SMARCA4: variants seen among roughly 807,000 people sequenced by gnomAD.
SMARCA4 encodes SWI/SNF related BAF chromatin remodeling complex subunit ATPase 4, also known as SWI/SNF-related matrix-associated actin-dependent regulator of chromatin subfamily A member 4.
In SMARCA4, 31 loss-of-function variants were observed where a neutral mutation model predicts 193.9. That is an observed-to-expected ratio of 0.16 (90% CI 0.12 to 0.22). SMARCA4 has a LOEUF of 0.22. Ranked by LOEUF, SMARCA4 falls within the 10% of genes least tolerant of loss-of-function variation. The probability of loss-of-function intolerance (pLI) is 1.00; values close to 1 mark genes in which losing one functional copy is unlikely to be tolerated. For synonymous variants in SMARCA4, 942 were observed against 933.1 expected (o/e 1.01, Z -0.17); for missense variants, 1,148 against 2,296.0 (o/e 0.50, Z 10.22).
At chr19:11,057,885 C>T (rs1461618366) in intron 30 of SMARCA4, among the ~76,000 whole-genome samples, 4 of 151,748 alleles carry the variant, frequency 2.6e-5, no homozygotes, top group Non-Finnish European at 5.9e-5. Context: ...GGCTGATCAC[C>T]TGAGGTCGGG....
At chr19:10,975,014 A>ATTTTT (rs2085012500) in intron 1 of SMARCA4, among the ~76,000 whole-genome samples, 1 of 106,266 alleles carries the variant, frequency 9.4e-6, no homozygotes, top group African/African-American at 3.7e-5. Context: ...ATATATAGTT[A>ATTTTT]TTCTTTTTTT....
Position 11,031,809 on chromosome 19 carries a change from T to C in SMARCA4, c.3546+916T>C, listed in dbSNP as rs1683292575. 1 of 152,186 alleles carries C rather than the reference T, an allele frequency of 6.6e-6. No individual in the cohort carries two copies. The highest frequency in any genetic ancestry group is 2.1e-4 in the South Asian group (1 of 4,816). 9.4% of individuals were successfully genotyped at this position (152,186 alleles called of 1,614,324 possible). A position where few individuals can be genotyped will look rare whatever the true frequency, so the allele number is the denominator to read the frequency against. ...AGAGTGCTTGTGCAAACACCCTAGG[T>C]CTGCGCAGCCCTCAGACATGGGGTC... is the stretch of plus-strand genomic sequence containing the variant. On this transcript the variant is annotated intron_variant, in intron 25 of 34. Coordinates refer to ENST00000344626, the MANE Select transcript of SMARCA4 (RefSeq NM_003072.5). The surrounding 1 kb of genome is among the most constrained non-coding windows in gnomAD (Gnocchi z 4.3).
At chr19:11,015,402 G>A (rs950172779) in intron 16 of SMARCA4, among the ~76,000 whole-genome samples, 9 of 152,148 alleles carry the variant, frequency 5.9e-5, no homozygotes, top group Middle Eastern at 6.8e-3. Context: ...AATCCTGATC[G>A]GACCTTTGGT....
chr19:10,974,683 ATATATATTTTTTTTTTTTTTTTTTTT>A lies in SMARCA4; in HGVS notation c.-31-9436_-31-9411del, dbSNP rs1419441338. Among the ~76,000 whole-genome samples the A allele has an allele frequency of 2.9e-3, 132 of 45,412 alleles. 2 individuals are homozygous for A. Among genetic ancestry groups the A allele is most frequent in the African/African-American group, 0.011 (126 of 11,006 alleles). The allele number at this position is 45,412 out of a possible 152,430, so 29.8% of individuals were successfully genotyped here. On this transcript the variant is annotated intron_variant, in intron 1 of 34. Coordinates refer to ENST00000344626, the MANE Select transcript of SMARCA4 (RefSeq NM_003072.5). ...TTAACATGCATATATATATATATAT[ATATATATTTTTTTTTTTTTTTTTTTT>A]TTTTTTTTTTTTTTTGAGACAGAGT... is the stretch of plus-strand genomic sequence containing the variant.
intron 16 of SMARCA4, among the ~76,000 whole-genome samples, chr19:11,013,843 C>T (rs547305172): frequency 7.3e-4 from 111 of 152,246 alleles, no homozygotes; most frequent in Non-Finnish European, 9.4e-4. Context: ...TGGTGGGATC[C>T]GGACACCCTG....
At chr19:10,974,926 G>C (rs112009846) in intron 1 of SMARCA4, among the ~76,000 whole-genome samples, 1 of 149,292 alleles carries the variant, frequency 6.7e-6, no homozygotes, top group Non-Finnish European at 1.5e-5. Context: ...GGCTGGTCTC[G>C]ATCTCAGGTG....
chr19:11,010,563 G>T (rs201710172), intron 15 of SMARCA4, 32 bp downstream of exon 15: 2 of 1,607,304 alleles, frequency 1.2e-6, no homozygotes. Flanking sequence ...CCACCGCCAC[G>T]TAGCTGCCTC....
Position 11,035,074 on chromosome 19 carries a change from C to T in SMARCA4, c.4112C>T (p.Ser1371Phe), listed in dbSNP as rs1555785467. The change falls in exon 29 of 35, where the codon TCC becomes TTC. Residue 1371 changes from serine to phenylalanine, a missense_variant. Around this residue, in one of 17 missense-constraint regions of SMARCA4, gnomAD observed 84 missense variants for 202.2 expected, o/e 0.42. Transcript: ENST00000344626. ...EEEEKMFGRG[S>F]RHRKEVDYSD... is the part of the protein sequence containing the mutation. ...GAGGAGAAGATGTTCGGCCGTGGCT[C>T]CCGCCACCGCAAGGAGGTGGACTAC... 2 of 1,612,974 alleles carry T rather than the reference C, an allele frequency of 1.2e-6. No homozygotes were observed. The highest frequency in any genetic ancestry group is 1.7e-6 in the Non-Finnish European group (2 of 1,179,898).
Position 10,985,270 on chromosome 19 carries a change from C to T in SMARCA4, c.223-3C>T, listed in dbSNP as rs1180071026. 1 of 1,613,914 alleles carries T rather than the reference C, an allele frequency of 6.2e-7. No homozygotes were observed. The highest frequency in any genetic ancestry group is 1.1e-5 in the South Asian group (1 of 91,070). ...CCCTGCCTTGCCATGGTCCCTCTCG[C>T]AGCCCATGGAGTCCATGCATGAGAA... On this transcript the variant is annotated splice_polypyrimidine_tract_variant and splice_region_variant and intron_variant, in intron 2 of 34. Coordinates refer to ENST00000344626, the MANE Select transcript of SMARCA4 (RefSeq NM_003072.5). The surrounding 1 kb of genome is among the most constrained non-coding windows in gnomAD (Gnocchi z 4.5).
chr19:11,061,188 T>TAAAA (rs140377414), intron 34 of SMARCA4, among the ~76,000 whole-genome samples: 14 of 68,814 alleles, frequency 2.0e-4, no homozygotes, highest in African/African-American at 1.1e-3. Flanking sequence ...ACCCTGTCTT[T>TAAAA]AAAAAAAAAA....
At chr19:11,017,894 C>T (rs959704672) in intron 16 of SMARCA4, among the ~76,000 whole-genome samples, 4 of 152,178 alleles carry the variant, frequency 2.6e-5, no homozygotes, top group Non-Finnish European at 4.4e-5. Flanking sequence ...CTGCCTCCCT[C>T]GCCTCATGCA....
At chr19:11,014,654 C>T (rs1004802809) in intron 16 of SMARCA4, among the ~76,000 whole-genome samples, 3 of 152,048 alleles carry the variant, frequency 2.0e-5, no homozygotes, top group Non-Finnish European at 4.4e-5. Flanking sequence ...CTGCAGTTCC[C>T]GATTTTCCCT....
rs548906832 is a variant in SMARCA4, at chr19:11,027,917, G to A, written c.3349G>A (p.Ala1117Thr). 1 of 1,614,092 alleles carries A rather than the reference G, an allele frequency of 6.2e-7. No homozygotes were observed. The highest frequency in any genetic ancestry group is 8.5e-7 in the Non-Finnish European group (1 of 1,180,048). ...SLMTIMEDYF[A>T]YRGFKYLRLD... Reference sequence around the variant, plus strand: ...CATGACCATCATGGAAGATTACTTTGCGTATCGCGGCTTTAAATACCTCAG... The same window carrying A: ...CATGACCATCATGGAAGATTACTTTACGTATCGCGGCTTTAAATACCTCAG... The change falls in exon 24 of 35, where the codon GCG becomes ACG. Residue 1117 changes from alanine to threonine, a missense_variant. Ala to Thr is a moderately conservative substitution (Grantham distance 58). Coordinates refer to ENST00000344626, the MANE Select transcript of SMARCA4 (RefSeq NM_003072.5).
intron 9 of SMARCA4, chr19:10,995,303 C>T (rs2086925858): frequency 1.8e-6 from 1 of 567,852 alleles, no homozygotes; most frequent in Non-Finnish European, 3.3e-6. Flanking sequence ...GTGATCCAGA[C>T]CCCCGACCCC....
At position 11,018,949 on chromosome 19, in the gene SMARCA4, T is replaced by G; in HGVS notation, c.2439-8T>G. 6.2e-7 allele frequency: 1 copy of G among 1,612,990 alleles called. No individual in the cohort carries two copies. The highest frequency in any genetic ancestry group is 1.7e-4 in the Middle Eastern group (1 of 6,060). ...CGGCACTTGACTCTCATTTCCTTGTTCCATCAGAACGCTGTCCAACTGGGC... is the reference window on the plus strand; with the variant it reads ...CGGCACTTGACTCTCATTTCCTTGTGCCATCAGAACGCTGTCCAACTGGGC... On this transcript the variant is annotated splice_polypyrimidine_tract_variant and splice_region_variant and intron_variant, in intron 16 of 34. Coordinates refer to ENST00000344626, the MANE Select transcript of SMARCA4 (RefSeq NM_003072.5).
intron 15 of SMARCA4, chr19:11,010,899 A>G (rs933738285): frequency 1.7e-5 from 6 of 354,646 alleles, no homozygotes; most frequent in Admixed American, 1.5e-4. Context: ...GCCGGAGCTC[A>G]GATCTGGGCA....
chr19:11,035,665 C>T (rs1263323558), intron 29 of SMARCA4, among the ~76,000 whole-genome samples: 1 of 152,224 alleles, frequency 6.6e-6, no homozygotes, highest in African/African-American at 2.4e-5. Context: ...CTGGCAGTTG[C>T]TTGTGGAGCT....
At chr19:10,995,160 G>A (rs1403541982) in intron 9 of SMARCA4, 159 bp downstream of exon 9, 1 of 723,112 alleles carries the variant, frequency 1.4e-6, no homozygotes, top group East Asian at 2.7e-5. Context: ...AGTCAGTCCT[G>A]GGCTCGGATA....
Position 10,966,403 on chromosome 19 carries a change from C to A in SMARCA4, c.-32+5229C>A, listed in dbSNP as rs187062068. Among the ~76,000 whole-genome samples the A allele has an allele frequency of 2.2e-4, 34 of 152,218 alleles. No individual in the cohort carries two copies. The East Asian group carries it at 6.6e-3, about 29-fold the overall frequency. On this transcript the variant is annotated intron_variant, in intron 1 of 34. Coordinates refer to ENST00000344626, the MANE Select transcript of SMARCA4 (RefSeq NM_003072.5). ...CCCAGGAATCCAAGACCAGCCTGGGCAGCATGGCGAAACCCCGTCTCTACA... is the reference window on the plus strand; with the variant it reads ...CCCAGGAATCCAAGACCAGCCTGGGAAGCATGGCGAAACCCCGTCTCTACA...
Sources: gnomAD v4.1 joint callset for allele counts (sites outside exome capture counted in the v4.1 genomes callset) on GRCh38, gnomAD v4.1.1 for gene constraint, gnomAD v4.1.1 regional missense constraint, Gnocchi (gnomAD v3.1) non-coding constraint, MANE v1.5 for transcripts, NCBI Gene and HGNC (gene_info 2026-07-23, HGNC 2026-07-21) for gene names.